LHFPL6: variants seen among roughly 807,000 people sequenced by gnomAD.
LHFPL6 encodes LHFPL tetraspan subfamily member 6.
A neutral mutation model predicts 20.6 loss-of-function variants in LHFPL6; 9 were observed. The observed-to-expected ratio is 0.44, with a 90% confidence interval of 0.26 to 0.76. The LOEUF (loss-of-function observed/expected upper bound fraction) is 0.76, where lower values mean the gene tolerates loss of function less well. Among genes scored for constraint, LHFPL6 ranks in the 30% least tolerant of loss-of-function variants. LHFPL6 has a pLI of 0.20. For synonymous variants in LHFPL6, 105 were observed against 98.7 expected (o/e 1.06, Z -0.38); for missense variants, 218 against 253.5 (o/e 0.86, Z 0.95).
chr13:39,407,120 C>T (rs1381305139), intron 2 of LHFPL6, among the ~76,000 whole-genome samples: 1 of 152,166 alleles, frequency 6.6e-6, no homozygotes, highest in African/African-American at 2.4e-5. Context: ...GAGCTAACAT[C>T]CTTCATTGCT....
chr13:39,420,329 A>G (rs1431779245), intron 2 of LHFPL6, among the ~76,000 whole-genome samples: 2 of 152,226 alleles, frequency 1.3e-5, no homozygotes, highest in South Asian at 4.1e-4. Flanking sequence ...TTAATGGATC[A>G]TTCATCCTTT....
chr13:39,532,362 CTTTTTGACTTAT>C (rs1474378093), intron 2 of LHFPL6, among the ~76,000 whole-genome samples: 2 of 152,170 alleles, frequency 1.3e-5, no homozygotes, highest in Non-Finnish European at 2.9e-5. Context: ...CAAACACCAA[CTTTTTGACTTAT>C]TTTTTGACTT....
intron 2 of LHFPL6, among the ~76,000 whole-genome samples, chr13:39,471,652 G>C (rs1015798815): frequency 6.6e-6 from 1 of 152,188 alleles, no homozygotes; most frequent in Non-Finnish European, 1.5e-5. Flanking sequence ...AAGTTGAATT[G>C]TAACTGGCTT....
intron 2 of LHFPL6, among the ~76,000 whole-genome samples, chr13:39,382,322 CT>C (rs1344758836): frequency 2.0e-5 from 3 of 152,206 alleles, no homozygotes; most frequent in Admixed American, 2.0e-4. Flanking sequence ...CAAACTTTGT[CT>C]CTTGCGTTCT....
At chr13:39,420,114 T>C (rs960098706) in intron 2 of LHFPL6, among the ~76,000 whole-genome samples, 2 of 152,206 alleles carry the variant, frequency 1.3e-5, no homozygotes, top group African/African-American at 2.4e-5. Flanking sequence ...TCAGGCTATC[T>C]GGAGTCTGTA....
At chr13:39,496,506 G>T (rs182518161) in intron 2 of LHFPL6, among the ~76,000 whole-genome samples, 66 of 152,262 alleles carry the variant, frequency 4.3e-4, no homozygotes, top group African/African-American at 1.4e-3. Context: ...CCTAAAGAAG[G>T]CTCTTTCAAA....
At chr13:39,369,225 TC>T (rs1870091739) in intron 3 of LHFPL6, among the ~76,000 whole-genome samples, 1 of 152,116 alleles carries the variant, frequency 6.6e-6, no homozygotes. Flanking sequence ...ATTTCCTTTT[TC>T]CCACAATTGC....
intron 2 of LHFPL6, among the ~76,000 whole-genome samples, chr13:39,542,224 T>G (rs1433045190): frequency 6.6e-6 from 1 of 151,916 alleles, no homozygotes; most frequent in South Asian, 2.1e-4. Flanking sequence ...GCTGACAATA[T>G]TCTGTATCTT....
At chr13:39,388,765 T>C (rs555108796) in intron 2 of LHFPL6, among the ~76,000 whole-genome samples, 255 of 152,310 alleles carry the variant, frequency 1.7e-3, no homozygotes, top group African/African-American at 5.8e-3. Flanking sequence ...ACTGTGTGTT[T>C]GAAGTCTCAC....
intron 2 of LHFPL6, among the ~76,000 whole-genome samples, chr13:39,555,172 A>C (rs1450484219): frequency 1.3e-5 from 2 of 152,200 alleles, no homozygotes; most frequent in Non-Finnish European, 1.5e-5. Context: ...GACAAATATG[A>C]CTATGTTAAA....
At chr13:39,399,210 G>A (rs1364982657) in intron 2 of LHFPL6, among the ~76,000 whole-genome samples, 3 of 152,146 alleles carry the variant, frequency 2.0e-5, no homozygotes, top group Non-Finnish European at 4.4e-5. Context: ...TTATTCTGCT[G>A]GCTTCTATTA....
At chr13:39,582,468 G>C (rs771221940) in intron 2 of LHFPL6, among the ~76,000 whole-genome samples, 1 of 152,192 alleles carries the variant, frequency 6.6e-6, no homozygotes, top group Admixed American at 6.5e-5. Context: ...GATCAGGGGA[G>C]AGGATGGAAA....
At chr13:39,478,984 T>C (rs1236913181) in intron 2 of LHFPL6, among the ~76,000 whole-genome samples, 1 of 150,956 alleles carries the variant, frequency 6.6e-6, no homozygotes, top group Non-Finnish European at 1.5e-5. Context: ...TACATATATA[T>C]AAAATGAGAT....
intron 3 of LHFPL6, among the ~76,000 whole-genome samples, chr13:39,376,069 C>A (rs1335741105): frequency 6.6e-6 from 1 of 152,078 alleles, no homozygotes; most frequent in African/African-American, 2.4e-5. Flanking sequence ...AAGTTTTATT[C>A]CACAATGCTG....
chr13:39,587,921 T>C (rs1419624810), intron 2 of LHFPL6, among the ~76,000 whole-genome samples: 1 of 151,978 alleles, frequency 6.6e-6, no homozygotes. Flanking sequence ...CCCACGAAAC[T>C]GCACAAGGAA....
At chr13:39,491,630 G>A (rs936097136) in intron 2 of LHFPL6, among the ~76,000 whole-genome samples, 6 of 152,100 alleles carry the variant, frequency 3.9e-5, no homozygotes, top group African/African-American at 7.2e-5. Flanking sequence ...TTAAATCCTC[G>A]GAAGGACTCG....
At chr13:39,457,849 C>T (rs992301876) in intron 2 of LHFPL6, among the ~76,000 whole-genome samples, 2 of 152,086 alleles carry the variant, frequency 1.3e-5, no homozygotes, top group African/African-American at 4.8e-5. Context: ...ATAAATGTTC[C>T]TATTTATCCA....
At chr13:39,417,145 C>T (rs1203527886) in intron 2 of LHFPL6, among the ~76,000 whole-genome samples, 1 of 152,176 alleles carries the variant, frequency 6.6e-6, no homozygotes, top group African/African-American at 2.4e-5. Context: ...TGTCTTTTCT[C>T]TTCTTTGGAA....
intron 3 of LHFPL6, among the ~76,000 whole-genome samples, chr13:39,375,831 C>G (rs955910361): frequency 1.3e-5 from 2 of 151,254 alleles, no homozygotes; most frequent in African/African-American, 4.8e-5. Context: ...CTTGATAAAC[C>G]CCAAAAAACT....
Sources: allele counts gnomAD v4.1 joint callset (sites outside exome capture counted in the v4.1 genomes callset), GRCh38; gene constraint gnomAD v4.1.1; transcripts MANE v1.5; gene names NCBI Gene and HGNC (gene_info 2026-07-23, HGNC 2026-07-21).